Variants in NBAS observed in about 807,000 individuals in gnomAD.
NBAS encodes NAG/BC035112 fusion.
NBAS carries 219 observed loss-of-function variants against 302.5 expected under a neutral mutation model. The ratio of observed to expected loss-of-function variants is 0.72; its 90% CI spans 0.65 to 0.81. The LOEUF (loss-of-function observed/expected upper bound fraction) is 0.81, where lower values mean the gene tolerates loss of function less well. NBAS is among the 30% of genes least tolerant of loss of function. The pLI, the probability that NBAS is intolerant of heterozygous loss-of-function variation, is 0.00. For missense variants in NBAS, 2,932 were observed against 2,841.6 expected (o/e 1.03, Z -0.72); for synonymous variants, 1,118 against 1,021.6 (o/e 1.09, Z -1.80).
At chr2:15,297,653 T>A (rs1039088421) in intron 40 of NBAS, among the ~76,000 whole-genome samples, 6 of 152,258 alleles carry the variant, frequency 3.9e-5, no homozygotes, top group African/African-American at 1.4e-4. Flanking sequence ...TGTGGAGCTA[T>A]GAGTCAATTA....
intron 12 of NBAS, among the ~76,000 whole-genome samples, chr2:15,479,004 T>C (rs1376445677): frequency 6.6e-6 from 1 of 152,072 alleles, no homozygotes; most frequent in African/African-American, 2.4e-5. Context: ...AAATCTGAAA[T>C]CTAAAAAAAG....
chr2:14,975,089 A>T, the NBAS span, among the ~76,000 whole-genome samples: 451 of 152,186 alleles, frequency 3.0e-3, 1 homozygote, highest in African/African-American at 0.011. Context: ...CTCCAACCTC[A>T]CAGAACAGAA....
the NBAS span, among the ~76,000 whole-genome samples, chr2:14,925,584 C>T: frequency 2.6e-5 from 4 of 152,166 alleles, no homozygotes; most frequent in African/African-American, 9.7e-5. Flanking sequence ...GCTCATGCAT[C>T]CCACTCTTTA....
At chr2:15,394,409 C>A in intron 27 of NBAS, 60 bp from the exon 28 acceptor site, 8 of 1,582,402 alleles carry the variant, frequency 5.1e-6, no homozygotes, top group Non-Finnish European at 6.9e-6. Flanking sequence ...GTCTAAGAAT[C>A]TTAGGCATAG....
the NBAS span, among the ~76,000 whole-genome samples, chr2:15,055,451 G>A: frequency 6.6e-6 from 1 of 152,220 alleles, no homozygotes; most frequent in South Asian, 2.1e-4. Context: ...GAATAATCCA[G>A]TCCTAAAGCC....
intron 5 of NBAS, 61 bp downstream of exon 5, chr2:15,553,364 AT>A: frequency 7.0e-7 from 1 of 1,430,580 alleles, no homozygotes; most frequent in Non-Finnish European, 9.8e-7. Context: ...CTTAGTTTCC[AT>A]TTATAGAGTA....
At chr2:15,417,818 A>G in intron 23 of NBAS, 106 bp from the exon 24 acceptor site, 1 of 1,119,394 alleles carries the variant, frequency 8.9e-7, no homozygotes, top group Non-Finnish European at 1.3e-6. Flanking sequence ...CATTTTTTAT[A>G]AAATTGCATT....
chr2:15,155,079 A>G, the NBAS span, among the ~76,000 whole-genome samples: 25 of 152,240 alleles, frequency 1.6e-4, no homozygotes, highest in Non-Finnish European at 4.4e-5. Context: ...TAAGCTAGGT[A>G]GGAACGTTAA....
the NBAS span, among the ~76,000 whole-genome samples, chr2:14,901,894 A>G: frequency 6.6e-6 from 1 of 152,202 alleles, no homozygotes; most frequent in Non-Finnish European, 1.5e-5. Context: ...ACCCTGGACA[A>G]TGCCCAAGAA....
chr2:15,029,646 G>A, the NBAS span, among the ~76,000 whole-genome samples: 6 of 152,160 alleles, frequency 3.9e-5, no homozygotes, highest in African/African-American at 1.2e-4. Flanking sequence ...CATTCTGATA[G>A]GTTTTCGTGT....
chr2:14,798,721 A>C, the NBAS span, among the ~76,000 whole-genome samples: 1 of 152,036 alleles, frequency 6.6e-6, no homozygotes, highest in African/African-American at 2.4e-5. Flanking sequence ...TCTTTGTGAA[A>C]AGCTTTTTAG....
At chr2:15,539,483 A>C in intron 6 of NBAS, 127 bp from the exon 7 acceptor site, 1 of 1,209,704 alleles carries the variant, frequency 8.3e-7, no homozygotes. Context: ...GATCTCTAAT[A>C]AAGCTTCCCT....
chr2:15,232,521 G>A lies in NBAS; in HGVS notation c.6147-10C>T. The A allele has an allele frequency of 6.2e-7, 1 of 1,611,308 alleles. No individual in the cohort carries two copies. The highest frequency in any genetic ancestry group is 8.5e-7 in the Non-Finnish European group (1 of 1,178,324). On this transcript the variant is annotated splice_polypyrimidine_tract_variant and intron_variant, in intron 46 of 51. Transcript: ENST00000281513. ...GTCAGCACTGCCACCACTGTGAAAA[G>A]AGAGATAAACTGATTCAGAAAAGGA...
At chr2:14,864,253 G>A in the NBAS span, among the ~76,000 whole-genome samples, 1 of 151,436 alleles carries the variant, frequency 6.6e-6, no homozygotes, top group Admixed American at 6.6e-5. Context: ...GGAGGTAGGA[G>A]GAGGTTGTAG....
the NBAS span, among the ~76,000 whole-genome samples, chr2:14,988,505 G>T: frequency 1.3e-5 from 2 of 152,020 alleles, no homozygotes; most frequent in Non-Finnish European, 2.9e-5. Context: ...TCAATTTCAG[G>T]GTGCTTCGGC....
chr2:15,467,430 G>T, intron 18 of NBAS, 23 bp from the exon 19 acceptor site: 2 of 1,567,966 alleles, frequency 1.3e-6, no homozygotes, highest in Non-Finnish European at 1.8e-6. Flanking sequence ...ACTATGTTAG[G>T]CCACTTATAT....
intron 44 of NBAS, among the ~76,000 whole-genome samples, chr2:15,248,045 A>G (rs1191526110): frequency 1.3e-5 from 2 of 152,204 alleles, no homozygotes; most frequent in Non-Finnish European, 2.9e-5. Context: ...TTGACCACAT[A>G]ATTGGAAGTA....
chr2:14,912,016 T>C, the NBAS span, among the ~76,000 whole-genome samples: 3 of 152,218 alleles, frequency 2.0e-5, no homozygotes, highest in Non-Finnish European at 4.4e-5. Flanking sequence ...GTGGTGCAGC[T>C]TACTACATGC....
chr2:15,162,708 C>G (rs1449019462), downstream of NBAS, among the ~76,000 whole-genome samples: 1 of 152,190 alleles, frequency 6.6e-6, no homozygotes, highest in Non-Finnish European at 1.5e-5. Flanking sequence ...AATATGGGTA[C>G]TCAAACAAGA....
Sources: gnomAD v4.1 joint callset for allele counts (sites outside exome capture counted in the v4.1 genomes callset) on GRCh38, gnomAD v4.1.1 for gene constraint, MANE v1.5 for transcripts, NCBI Gene and HGNC (gene_info 2026-07-23, HGNC 2026-07-21) for gene names.